PDE4B: variants seen among roughly 807,000 people sequenced by gnomAD.
The protein encoded by PDE4B is phosphodiesterase 4B.
In PDE4B, 20 loss-of-function variants were observed where a neutral mutation model predicts 82.2. The observed-to-expected ratio is 0.24, with a 90% CI of 0.17 to 0.35. The LOEUF is 0.35. Ranked by LOEUF, PDE4B falls within the 10% of genes least tolerant of loss-of-function variation. PDE4B has a pLI of 1.00. For synonymous variants in PDE4B, 320 were observed against 318.9 expected (o/e 1.00, Z -0.04); for missense variants, 655 against 907.2 (o/e 0.72, Z 3.57).
intron 1 of PDE4B, among the ~76,000 whole-genome samples, chr1:65,793,505 G>T (rs1645597382): frequency 6.6e-6 from 1 of 152,206 alleles, no homozygotes; most frequent in African/African-American, 2.4e-5. Context: ...CAAGTCACTG[G>T]GGAGGAGAGG....
chr1:66,354,731 T>C (rs1158492155), intron 8 of PDE4B: 10 of 1,450,660 alleles, frequency 6.9e-6, no homozygotes, highest in Middle Eastern at 1.8e-4. Context: ...TTTCTAAGTT[T>C]TGATTATTTT....
At chr1:65,812,318 C>G (rs2101202302) in intron 1 of PDE4B, among the ~76,000 whole-genome samples, 1 of 152,290 alleles carries the variant, frequency 6.6e-6, no homozygotes, top group South Asian at 2.1e-4. Context: ...TAGTTACTCA[C>G]TTGTTTCAGT....
intron 3 of PDE4B, among the ~76,000 whole-genome samples, chr1:66,150,841 A>G (rs563851665): frequency 6.6e-6 from 1 of 152,276 alleles, no homozygotes; most frequent in Admixed American, 6.5e-5. Context: ...ACATTAATTA[A>G]CTTTCGTATG....
intron 3 of PDE4B, among the ~76,000 whole-genome samples, chr1:66,009,953 CATCT>C (rs66505854): frequency 0.019 from 2,604 of 136,632 alleles, 101 homozygotes; most frequent in East Asian, 0.17. Context: ...ATCTATCTAT[CATCT>C]ATCTATCTAA....
intron 3 of PDE4B, among the ~76,000 whole-genome samples, chr1:66,190,717 T>G (rs944435222): frequency 5.3e-5 from 8 of 152,104 alleles, no homozygotes; most frequent in Admixed American, 6.5e-5. Context: ...AGTGACCTGA[T>G]TTTCCAGGTG....
At chr1:65,831,365 T>C (rs2101294346) in intron 1 of PDE4B, among the ~76,000 whole-genome samples, 1 of 152,218 alleles carries the variant, frequency 6.6e-6, no homozygotes. Context: ...GACTAGTGAA[T>C]TCACAAACAT....
At chr1:65,876,907 A>G (rs1646650587) in intron 1 of PDE4B, among the ~76,000 whole-genome samples, 1 of 152,216 alleles carries the variant, frequency 6.6e-6, no homozygotes, top group African/African-American at 2.4e-5. Context: ...AAGAGAGGAC[A>G]CAAGCAAATG....
intron 3 of PDE4B, among the ~76,000 whole-genome samples, chr1:66,103,025 A>T (rs934628370): frequency 6.6e-6 from 1 of 152,132 alleles, no homozygotes; most frequent in Admixed American, 6.6e-5. Flanking sequence ...TTTTTATAAA[A>T]CTGATCAATT....
rs5774812 is a variant in PDE4B, at chr1:66,371,061, C to CATATAT, written c.1846-1238_1846-1233dup. Among the ~76,000 whole-genome samples, 720 of 110,868 alleles carry CATATAT rather than the reference C, an allele frequency of 6.5e-3. 10 individuals carry two copies. The highest frequency in any genetic ancestry group is 0.022 in the African/African-American group (690 of 31,594). The allele number at this position is 110,868 out of a possible 152,430, so 72.7% of individuals were successfully genotyped here. On this transcript the variant is annotated intron_variant, in intron 16 of 16. Coordinates refer to ENST00000341517, the MANE Select transcript of PDE4B (RefSeq NM_002600.4). ...TACATATATATATACACACATCATA[C>CATATAT]ATATATATATATATATATACACACA...
chr1:65,843,523 A>G (rs4077429), intron 1 of PDE4B, among the ~76,000 whole-genome samples: 10,918 of 152,184 alleles, frequency 0.072, 676 homozygotes, highest in East Asian at 0.34. Context: ...TCAGCTTTTC[A>G]TTTCCTACCT....
chr1:65,886,172 T>C (rs1646773869), intron 1 of PDE4B, among the ~76,000 whole-genome samples: 1 of 151,796 alleles, frequency 6.6e-6, no homozygotes, highest in South Asian at 2.1e-4. Flanking sequence ...AATTGCTGAA[T>C]CTATCCAAAA....
At chr1:66,154,147 C>G (rs1017862260) in intron 3 of PDE4B, among the ~76,000 whole-genome samples, 1 of 152,136 alleles carries the variant, frequency 6.6e-6, no homozygotes, top group African/African-American at 2.4e-5. Flanking sequence ...CCCCTTGGTC[C>G]CAATAGCACC....
rs1310638049 is a variant in PDE4B at position 66,129,663 on chromosome 1, AAAAAAAAAAC to A, written c.282-117789_282-117780del. Among the ~76,000 whole-genome samples the A allele has an allele frequency of 8.5e-5, 8 of 94,330 alleles. No homozygotes were observed. The East Asian group carries it at 1.8e-3, about 21-fold the overall frequency. 61.9% of individuals were successfully genotyped at this position (94,330 alleles called of 152,430 possible). A position where few individuals can be genotyped will look rare whatever the true frequency, so the allele number is the denominator to read the frequency against. On this transcript the variant is annotated intron_variant, in intron 3 of 16. Coordinates refer to ENST00000341517, the MANE Select transcript of PDE4B (RefSeq NM_002600.4). ...CGACAGAGCGAGACTCCGTCTCAAA[AAAAAAAAAAC>A]AAAAAAACAAAAAAACAAAAAAACA...
intron 7 of PDE4B, among the ~76,000 whole-genome samples, chr1:66,318,772 G>C (rs1659192227): frequency 6.6e-6 from 1 of 152,120 alleles, no homozygotes; most frequent in South Asian, 2.1e-4. Flanking sequence ...TGCATTTATT[G>C]AGCAATTTAC....
chr1:66,153,521 C>T (rs1646443939), intron 3 of PDE4B, among the ~76,000 whole-genome samples: 1 of 152,024 alleles, frequency 6.6e-6, no homozygotes, highest in Admixed American at 6.6e-5. Flanking sequence ...ATTTTAATGT[C>T]TTTGTTCCCA....
chr1:65,926,724 T>C (rs1172768354), intron 3 of PDE4B, among the ~76,000 whole-genome samples: 3 of 152,150 alleles, frequency 2.0e-5, no homozygotes, highest in African/African-American at 7.2e-5. Flanking sequence ...CTTCTTTTGC[T>C]TTCTCTTGCT....
intron 3 of PDE4B, among the ~76,000 whole-genome samples, chr1:66,132,996 T>C (rs1451807383): frequency 1.3e-5 from 2 of 152,150 alleles, no homozygotes; most frequent in Non-Finnish European, 2.9e-5. Context: ...GAGGTGGCAG[T>C]GAGATGCAAG....
chr1:65,826,645 C>A (rs1646020706), intron 1 of PDE4B, among the ~76,000 whole-genome samples: 1 of 152,070 alleles, frequency 6.6e-6, no homozygotes, highest in Non-Finnish European at 1.5e-5. Context: ...GGAAGAGTAA[C>A]TAAAATTGTA....
At chr1:66,318,045 G>A (rs1659146703) in intron 7 of PDE4B, among the ~76,000 whole-genome samples, 1 of 152,136 alleles carries the variant, frequency 6.6e-6, no homozygotes, top group Admixed American at 6.5e-5. Flanking sequence ...ATTCTAAAAA[G>A]AACAAATTCC....
Sources: allele counts gnomAD v4.1 joint callset (sites outside exome capture counted in the v4.1 genomes callset), GRCh38; gene constraint gnomAD v4.1.1; transcripts MANE v1.5; gene names NCBI Gene and HGNC (gene_info 2026-07-23, HGNC 2026-07-21).